Variants in CFAP20DC observed in about 807,000 individuals in gnomAD.
CFAP20DC encodes the protein protein CFAP20DC.
In CFAP20DC, 84 loss-of-function variants were observed where a neutral mutation model predicts 101.7. The observed-to-expected ratio is 0.83, with a 90% CI of 0.69 to 0.99. CFAP20DC has a LOEUF of 0.99. CFAP20DC is among the 50% of genes least tolerant of loss of function. The pLI is 0.00. For missense variants in CFAP20DC, 1,007 were observed against 970.3 expected (o/e 1.04, Z -0.50); for synonymous variants, 359 against 351.2 (o/e 1.02, Z -0.25).
rs551299796 is a variant in CFAP20DC at position 58,985,925 on chromosome 3, T to C, written c.279-48163A>G. 3.3e-5 allele frequency among the ~76,000 whole-genome samples: 5 copies of C among 152,358 alleles called. No homozygotes were observed. In the South Asian group the frequency reaches 6.2e-4, roughly 19 times the overall value. ...GAACAGTCTCTGGAATCTTATACAG[T>C]ACACATTGAACAGACACTGGATGAG... On this transcript the variant is annotated intron_variant, in intron 4 of 16. Transcript: ENST00000482387.
In CFAP20DC at chr3:59,002,946, CAG is replaced by C. The variant is rs913109960; in HGVS notation, c.278+36609_278+36610del. On this transcript the variant is annotated intron_variant, in intron 4 of 16. Coordinates refer to ENST00000482387, the MANE Select transcript of CFAP20DC (RefSeq NM_001394063.1). This position sits in a 1 kb window ranked among gnomAD's most constrained non-coding sequence, Gnocchi z 4.5. The stretch of plus-strand genomic sequence containing the variant: ...ACTTGCCCAAGGTCTTGGTTACTGA[CAG>C]AGCTATAATGCATCCAAGATTTCTG... Among the ~76,000 whole-genome samples, 1 of 152,130 alleles carries C rather than the reference CAG, an allele frequency of 6.6e-6. No individual in the cohort carries two copies. Among genetic ancestry groups the C allele is most frequent in the African/African-American group, 2.4e-5 (1 of 41,426 alleles).
intron 4 of CFAP20DC, among the ~76,000 whole-genome samples, chr3:58,941,056 C>A (rs972544591): frequency 8.5e-5 from 13 of 152,070 alleles, no homozygotes; most frequent in African/African-American, 3.1e-4. Flanking sequence ...CAGGGCCAGG[C>A]GCAGTGGCTC....
intron 14 of CFAP20DC, among the ~76,000 whole-genome samples, chr3:58,812,055 A>G (rs2074686585): frequency 6.6e-6 from 1 of 152,132 alleles, no homozygotes; most frequent in Non-Finnish European, 1.5e-5. Context: ...TCAGGAAACA[A>G]CAGGTGCTGG....
Position 58,724,286 on chromosome 3 carries a change from GA to G in CFAP20DC, c.198-6659del, listed in dbSNP as rs1291384051. 6.6e-6 allele frequency among the ~76,000 whole-genome samples: 1 copy of G among 152,190 alleles called. No homozygotes were observed. Among genetic ancestry groups the G allele is most frequent in the African/African-American group, 2.4e-5 (1 of 41,440 alleles). ...AAAATCTTGGGAGCAGCAGTGTTGG[GA>G]AAAGGGCTTGTGGGGTGCCTGTATA... On this transcript the variant is annotated intron_variant, in intron 3 of 3. Coordinates refer to the CFAP20DC transcript ENST00000486145. This position sits in a 1 kb window ranked among gnomAD's most constrained non-coding sequence, Gnocchi z 5.6.
chr3:58,959,368 A>G (rs1293073867), intron 4 of CFAP20DC, among the ~76,000 whole-genome samples: 1 of 152,272 alleles, frequency 6.6e-6, no homozygotes, highest in Non-Finnish European at 1.5e-5. Flanking sequence ...TGTTGGGATT[A>G]CAGGCGTAAG....
At chr3:58,733,030 T>A (rs2067675624) in intron 3 of CFAP20DC, among the ~76,000 whole-genome samples, 1 of 152,174 alleles carries the variant, frequency 6.6e-6, no homozygotes, top group South Asian at 2.1e-4. Flanking sequence ...AGTCTGAAAT[T>A]GTATAAAATC....
intron 14 of CFAP20DC, among the ~76,000 whole-genome samples, chr3:58,812,907 A>C (rs1239300381): frequency 6.6e-6 from 1 of 151,830 alleles, no homozygotes; most frequent in Admixed American, 6.6e-5. Flanking sequence ...TTATGCTGTT[A>C]ACATTGGTTG....
At chr3:58,911,848 G>C (rs375116142) in intron 6 of CFAP20DC, among the ~76,000 whole-genome samples, 2 of 152,062 alleles carry the variant, frequency 1.3e-5, no homozygotes, top group East Asian at 1.9e-4. Context: ...TATGGAGTTA[G>C]AGCAGGAACC....
intron 13 of CFAP20DC, among the ~76,000 whole-genome samples, chr3:58,848,273 A>T (rs2077899854): frequency 6.6e-6 from 1 of 152,168 alleles, no homozygotes; most frequent in African/African-American, 2.4e-5. Context: ...TCTACTACCT[A>T]CACCAGGTAA....
chr3:58,888,436 C>T (rs1167683025), intron 6 of CFAP20DC, among the ~76,000 whole-genome samples: 1 of 151,998 alleles, frequency 6.6e-6, no homozygotes, highest in East Asian at 1.9e-4. Flanking sequence ...TTCAGGGATA[C>T]ATGTGGAGGG....
intron 6 of CFAP20DC, among the ~76,000 whole-genome samples, chr3:58,891,884 A>G (rs774490698): frequency 2.6e-5 from 4 of 152,222 alleles, no homozygotes; most frequent in Admixed American, 2.6e-4. Flanking sequence ...ATCTTTGCAC[A>G]TGCCTGTGTC....
At chr3:58,949,348 C>G (rs2107999155) in intron 4 of CFAP20DC, among the ~76,000 whole-genome samples, 1 of 152,116 alleles carries the variant, frequency 6.6e-6, no homozygotes, top group South Asian at 2.1e-4. Context: ...TTTGCTCTTG[C>G]TTCTCTAGTT....
chr3:59,028,465 T>C (rs556090084), intron 4 of CFAP20DC, among the ~76,000 whole-genome samples: 2 of 152,338 alleles, frequency 1.3e-5, no homozygotes, highest in South Asian at 2.1e-4. Flanking sequence ...GAGAAGCCTC[T>C]TGAGAAGATA....
intron 14 of CFAP20DC, among the ~76,000 whole-genome samples, chr3:58,815,978 A>T (rs577626727): frequency 1.3e-5 from 2 of 151,832 alleles, no homozygotes; most frequent in East Asian, 3.9e-4. Flanking sequence ...TAGAACTGGA[A>T]ATATCATTTG....
At chr3:58,999,906 G>T (rs1398621977) in intron 4 of CFAP20DC, among the ~76,000 whole-genome samples, 1 of 149,332 alleles carries the variant, frequency 6.7e-6, no homozygotes, top group Non-Finnish European at 1.5e-5. Context: ...AAGAGAGAGG[G>T]TTCTTATGCT....
intron 14 of CFAP20DC, among the ~76,000 whole-genome samples, chr3:58,807,238 A>G (rs2074160197): frequency 6.6e-6 from 1 of 152,130 alleles, no homozygotes; most frequent in African/African-American, 2.4e-5. Context: ...GCAGCTGGAG[A>G]TCTGAGAATG....
rs904121859 is a variant in CFAP20DC, at chr3:58,906,449, A to G, written c.550+7259T>C. Among the ~76,000 whole-genome samples, 8 of 152,162 alleles carry G rather than the reference A, an allele frequency of 5.3e-5. No individual in the cohort carries two copies. The East Asian group carries it at 1.3e-3, about 26-fold the overall frequency. On this transcript the variant is annotated intron_variant, in intron 6 of 16. Coordinates refer to ENST00000482387, the MANE Select transcript of CFAP20DC (RefSeq NM_001394063.1). Reference sequence around the variant, plus strand: ...TTATGTCAACCCAAATATGCAGCCTAGTGTGGCAATATTGTATTATACCTT... The same window carrying G: ...TTATGTCAACCCAAATATGCAGCCTGGTGTGGCAATATTGTATTATACCTT...
At chr3:58,984,339 A>C (rs1011274119) in intron 4 of CFAP20DC, among the ~76,000 whole-genome samples, 6 of 152,164 alleles carry the variant, frequency 3.9e-5, no homozygotes, top group African/African-American at 1.4e-4. Flanking sequence ...CTTAGTGGTG[A>C]TGGTATAGCT....
intron 15 of CFAP20DC, among the ~76,000 whole-genome samples, chr3:58,764,043 C>A (rs946514998): frequency 2.6e-5 from 4 of 152,154 alleles, no homozygotes; most frequent in Non-Finnish European, 4.4e-5. Context: ...GCTGGGAGAA[C>A]CACTACTCTC....
Sources: gnomAD v4.1 joint callset for allele counts (sites outside exome capture counted in the v4.1 genomes callset) on GRCh38, gnomAD v4.1.1 for gene constraint, Gnocchi (gnomAD v3.1) non-coding constraint, MANE v1.5 for transcripts, NCBI Gene and HGNC (gene_info 2026-07-23, HGNC 2026-07-21) for gene names.